The following UXS1 variants were observed in gnomAD, a reference collection of about 807,000 sequenced individuals.
UXS1 encodes UDP-glucuronate decarboxylase 1.
UXS1 carries 33 observed loss-of-function variants against 62.6 expected under a neutral mutation model. The observed-to-expected ratio is 0.53, with a 90% CI of 0.40 to 0.70. UXS1 has a LOEUF of 0.70. Ranked by LOEUF, UXS1 falls within the 30% of genes least tolerant of loss-of-function variation. UXS1 has a pLI of 0.00. For missense variants in UXS1, 434 were observed against 556.3 expected (o/e 0.78, Z 2.21); for synonymous variants, 213 against 206.8 (o/e 1.03, Z -0.26).
At chr2:106,129,647 C>CA (rs768463259) in intron 7 of UXS1, 27 bp downstream of exon 7, 29 of 1,561,378 alleles carry the variant, frequency 1.9e-5, no homozygotes, top group Middle Eastern at 1.7e-4. Flanking sequence ...CAGCAACAGC[C>CA]AAAAAAACAA....
At chr2:106,095,149 A>T (rs971084800) in intron 14 of UXS1, among the ~76,000 whole-genome samples, 1 of 152,242 alleles carries the variant, frequency 6.6e-6, no homozygotes, top group Non-Finnish European at 1.5e-5. Flanking sequence ...TACTGAGCAT[A>T]CACACACCTC....
chr2:106,114,449 C>G (rs1052047992), intron 9 of UXS1, among the ~76,000 whole-genome samples: 2 of 152,110 alleles, frequency 1.3e-5, no homozygotes. Context: ...CTCAGAAGTA[C>G]CCACTTGCAT....
chr2:106,160,178 T>C (rs1682781420), intron 4 of UXS1: 1 of 152,304 alleles, frequency 6.6e-6, no homozygotes, highest in African/African-American at 2.4e-5. Context: ...TCTTCTTCCC[T>C]CACCAACTCA....
intron 9 of UXS1, among the ~76,000 whole-genome samples, chr2:106,122,606 T>C (rs1679610484): frequency 6.6e-6 from 1 of 152,192 alleles, no homozygotes; most frequent in South Asian, 2.1e-4. Flanking sequence ...CAATAACGCA[T>C]CCATTTTTTT....
chr2:106,188,452 G>C (rs1684716173), intron 1 of UXS1, among the ~76,000 whole-genome samples: 1 of 152,200 alleles, frequency 6.6e-6, no homozygotes, highest in South Asian at 2.1e-4. Flanking sequence ...AGACATCTAA[G>C]AAGCAGGACA....
Position 106,093,787 on chromosome 2 carries a change from A to C in UXS1, c.*239T>G. 1 of 431,382 alleles carries C rather than the reference A, an allele frequency of 2.3e-6. No individual in the cohort carries two copies. Among genetic ancestry groups the C allele is most frequent in the Non-Finnish European group, 4.0e-6 (1 of 252,720 alleles). 26.7% of individuals were successfully genotyped at this position (431,382 alleles called of 1,614,324 possible). On this transcript the variant is annotated 3_prime_UTR_variant, in exon 15 of 15. Coordinates refer to ENST00000283148, the MANE Select transcript of UXS1 (RefSeq NM_001253875.2). ...GATAAAAAAACTTGAAAATACGCAG[A>C]GATGCATCTACGCTATTTTACATAA...
chr2:106,177,677 G>A (rs1482481584), intron 1 of UXS1, among the ~76,000 whole-genome samples: 1 of 152,220 alleles, frequency 6.6e-6, no homozygotes, highest in Non-Finnish European at 1.5e-5. Flanking sequence ...ACTGCGAGAA[G>A]GCGCCATCTA....
intron 1 of UXS1, among the ~76,000 whole-genome samples, chr2:106,179,295 C>T (rs1684095554): frequency 6.6e-6 from 1 of 150,486 alleles, no homozygotes; most frequent in Admixed American, 6.6e-5. Context: ...CCTGGCTCTT[C>T]CCCTGACCCT....
At chr2:106,190,426 T>C (rs1445402995) in intron 1 of UXS1, among the ~76,000 whole-genome samples, 4 of 152,030 alleles carry the variant, frequency 2.6e-5, no homozygotes, top group Non-Finnish European at 4.4e-5. Context: ...CAATGATAAA[T>C]ACCAAAATAA....
intron 1 of UXS1, among the ~76,000 whole-genome samples, chr2:106,192,039 T>A (rs1001038763): frequency 6.6e-6 from 1 of 152,080 alleles, no homozygotes; most frequent in Non-Finnish European, 1.5e-5. Flanking sequence ...AATCAGAAAC[T>A]TGAGGTGGGA....
At chr2:106,140,442 T>A (rs1316012911) in intron 6 of UXS1, among the ~76,000 whole-genome samples, 1 of 152,214 alleles carries the variant, frequency 6.6e-6, no homozygotes, top group Non-Finnish European at 1.5e-5. Flanking sequence ...TAATCAGAGC[T>A]GCATGCTTTA....
At chr2:106,188,629 C>T (rs1238916396) in intron 1 of UXS1, among the ~76,000 whole-genome samples, 1 of 152,208 alleles carries the variant, frequency 6.6e-6, no homozygotes, top group Non-Finnish European at 1.5e-5. Flanking sequence ...AGCCAAGCCT[C>T]CCCTTCCTGC....
At chr2:106,120,685 C>T (rs1438975021) in intron 9 of UXS1, among the ~76,000 whole-genome samples, 1 of 152,216 alleles carries the variant, frequency 6.6e-6, no homozygotes, top group Non-Finnish European at 1.5e-5. Flanking sequence ...CCCAGTGTGA[C>T]GGAAAGCAGC....
At chr2:106,099,400 G>C (rs1437575010) in intron 12 of UXS1, among the ~76,000 whole-genome samples, 1 of 152,136 alleles carries the variant, frequency 6.6e-6, no homozygotes, top group Admixed American at 6.6e-5. Context: ...CATCATAAGA[G>C]ACCACCATAA....
At chr2:106,095,677 C>T (rs1677015913) in intron 14 of UXS1, among the ~76,000 whole-genome samples, 2 of 152,156 alleles carry the variant, frequency 1.3e-5, no homozygotes, top group African/African-American at 2.4e-5. Context: ...CGCCTCTGCC[C>T]GAGGGGAGCC....
Position 106,101,115 on chromosome 2 carries a change from A to G in UXS1, c.927T>C (p.Asp309=), listed in dbSNP as rs762704285. Residue 309 remains aspartate (D), a synonymous_variant, in exon 12 of 15, where the codon GAT becomes GAC. Coordinates refer to ENST00000283148, the MANE Select transcript of UXS1 (RefSeq NM_001253875.2). ...TGAGAGCCACGAGGCCATTCACTAGATCGCTGGAAAAAAAGGGGAGGCAGG... is the reference window on the plus strand; with the variant it reads ...TGAGAGCCACGAGGCCATTCACTAGGTCGCTGGAAAAAAAGGGGAGGCAGG... ...SQTRAFQYVS[D]LVNGLVALMN... 1.9e-6 allele frequency: 3 copies of G among 1,613,818 alleles called. No individual in the cohort carries two copies. The South Asian group carries it at 3.3e-5, about 18-fold the overall frequency.
intron 9 of UXS1, among the ~76,000 whole-genome samples, chr2:106,122,477 T>C (rs1679602412): frequency 6.6e-6 from 1 of 152,230 alleles, no homozygotes; most frequent in African/African-American, 2.4e-5. Context: ...ATTTCTGCTA[T>C]AACATGCAGG....
intron 1 of UXS1, among the ~76,000 whole-genome samples, chr2:106,175,559 T>G (rs557294112): frequency 6.6e-6 from 1 of 152,318 alleles, no homozygotes; most frequent in East Asian, 1.9e-4. Flanking sequence ...AGATACACTA[T>G]ATGATGCCTT....
intron 7 of UXS1, among the ~76,000 whole-genome samples, chr2:106,128,696 A>C (rs1371070764): frequency 6.6e-6 from 1 of 152,180 alleles, no homozygotes; most frequent in South Asian, 2.1e-4. Context: ...CATGTGAGCC[A>C]ATCTCTCGTA....
Sources: allele counts gnomAD v4.1 joint callset (sites outside exome capture counted in the v4.1 genomes callset), GRCh38; gene constraint gnomAD v4.1.1; transcripts MANE v1.5; gene names NCBI Gene and HGNC (gene_info 2026-07-23, HGNC 2026-07-21).